IHO1: variants seen among roughly 807,000 people sequenced by gnomAD.
The protein encoded by IHO1 is interactor of HORMAD1 1.
IHO1 carries 13 observed loss-of-function variants against 31.0 expected under a neutral mutation model. The ratio of observed to expected loss-of-function variants is 0.42; its 90% CI spans 0.27 to 0.67. The LOEUF (loss-of-function observed/expected upper bound fraction) is 0.67. Ranked by LOEUF, IHO1 falls within the 30% of genes least tolerant of loss-of-function variation. The pLI is 0.24. For missense variants in IHO1, 599 were observed against 687.5 expected, an observed-to-expected ratio of 0.87 and a Z score of 1.44; for synonymous variants, 221 against 248.4, an observed-to-expected ratio of 0.89 and a Z score of 1.04.
At chr3:49,195,443 C>T (rs1044873085), upstream of IHO1, among the ~76,000 whole-genome samples, 7 of 137,034 alleles carry the variant, frequency 5.1e-5, no homozygotes, top group East Asian at 4.6e-4. Flanking sequence ...AGAGGCCAGT[C>T]GTGGTGGCTC....
chr3:49,251,108 G>T (rs1174214333), intron 6 of IHO1, among the ~76,000 whole-genome samples: 1 of 151,726 alleles, frequency 6.6e-6, no homozygotes, highest in East Asian at 1.9e-4. Context: ...ATTTTACTTA[G>T]TTTTTGTTTG....
intron 2 of IHO1, among the ~76,000 whole-genome samples, chr3:49,217,727 C>T (rs1346695142): frequency 2.0e-5 from 3 of 152,048 alleles, no homozygotes; most frequent in Non-Finnish European, 2.9e-5. Flanking sequence ...TGCAACTAGA[C>T]GGTCCCATTT....
intron 6 of IHO1, among the ~76,000 whole-genome samples, chr3:49,251,920 G>A (rs1034673029): frequency 6.7e-5 from 10 of 149,522 alleles, no homozygotes; most frequent in African/African-American, 2.0e-4. Context: ...TTTATATCAC[G>A]AGATTATATC....
intron 4 of IHO1, among the ~76,000 whole-genome samples, chr3:49,242,448 C>T (rs976996906): frequency 2.0e-5 from 3 of 152,020 alleles, no homozygotes; most frequent in African/African-American, 4.8e-5. Flanking sequence ...TCTTAATTGC[C>T]TTCTTGTCAA....
Position 49,257,610 on chromosome 3 carries a change from G to T in IHO1, c.*328G>T. The T allele has an allele frequency of 8.0e-6, 2 of 250,676 alleles. No homozygotes were observed. The allele number at this position is 250,676 out of a possible 1,614,324, so 15.5% of individuals were successfully genotyped here. A position where few individuals can be genotyped will look rare whatever the true frequency, so the allele number is the denominator to read the frequency against. On this transcript the variant is annotated 3_prime_UTR_variant, in exon 8 of 8. Transcript: ENST00000452691. ...CAGGCAGGCCTCCTTATGGAATACT[G>T]TGTAGCAGAAGGGCTCTCATAAAAC...
At position 49,230,822 on chromosome 3, in the gene IHO1, G is replaced by A. The variant is rs565506209; in HGVS notation, c.57-5726G>A. Among the ~76,000 whole-genome samples the A allele has an allele frequency of 3.3e-5, 5 of 152,264 alleles. No homozygotes were observed. The South Asian group carries it at 1.0e-3, about 32-fold the overall frequency. The stretch of plus-strand genomic sequence containing the variant: ...AAATGACTTTCAAAAATTACTAGGG[G>A]ACATTAATTGGATACAACCTGTTCT... On this transcript the variant is annotated intron_variant, in intron 2 of 7. Coordinates refer to ENST00000452691, the MANE Select transcript of IHO1 (RefSeq NM_001135197.2).
rs1362868429 is a variant in IHO1 at position 49,234,171 on chromosome 3, T to TTG, written c.57-2376_57-2375insGT. 4.1e-5 allele frequency among the ~76,000 whole-genome samples: 6 copies of TTG among 146,546 alleles called. No homozygotes were observed. The East Asian group carries it at 8.1e-4, about 20-fold the overall frequency. ...GATGTCTTTTGTTGTTGTTTTTTTT[T>TTG]TTTTTTTTTTTTTGGTTTTTTTGAC... is the stretch of plus-strand genomic sequence containing the variant. On this transcript the variant is annotated intron_variant, in intron 2 of 7. Coordinates refer to ENST00000452691, the MANE Select transcript of IHO1 (RefSeq NM_001135197.2).
intron 2 of IHO1, among the ~76,000 whole-genome samples, chr3:49,229,017 T>G (rs2046451018): frequency 6.6e-6 from 1 of 152,176 alleles, no homozygotes; most frequent in African/African-American, 2.4e-5. Flanking sequence ...TACAATCCTA[T>G]AGCTAGACAC....
intron 2 of IHO1, among the ~76,000 whole-genome samples, chr3:49,230,552 T>C (rs2046468639): frequency 6.6e-6 from 1 of 152,220 alleles, no homozygotes; most frequent in Non-Finnish European, 1.5e-5. Context: ...TGAACCTACT[T>C]GTAAAAAATT....
chr3:49,220,886 T>A (rs2046346952), intron 2 of IHO1, among the ~76,000 whole-genome samples: 1 of 151,880 alleles, frequency 6.6e-6, no homozygotes, highest in African/African-American at 2.4e-5. Flanking sequence ...AAATAAAAGG[T>A]GGCGTGGACC....
chr3:49,209,965 C>T (rs567590974), intron 1 of IHO1, among the ~76,000 whole-genome samples: 1 of 151,788 alleles, frequency 6.6e-6, no homozygotes, highest in East Asian at 2.0e-4. Context: ...ATCCACTTGC[C>T]TTGGCCTCCC....
intron 6 of IHO1, among the ~76,000 whole-genome samples, chr3:49,250,305 A>T (rs1021713012): frequency 6.6e-6 from 1 of 152,190 alleles, no homozygotes; most frequent in Non-Finnish European, 1.5e-5. Flanking sequence ...TCATAACTAA[A>T]TTTTTTTAAA....
chr3:49,255,691 C>CAA (rs2107745831), intron 7 of IHO1, among the ~76,000 whole-genome samples, 198 bp downstream of exon 7: 1 of 151,126 alleles, frequency 6.6e-6, no homozygotes, highest in South Asian at 2.1e-4. Flanking sequence ...CTAGGACTTA[C>CAA]AGGTGTGCAC....
chr3:49,200,512 A>AAAGAAAGAAAGAAAGAAAGAAAGAAAGG (rs1559434715), intron 1 of IHO1: 2 of 929,140 alleles, frequency 2.2e-6, no homozygotes, highest in African/African-American at 3.7e-5. Flanking sequence ...AGAAAGAAAG[A>AAAGAAAGAAAGAAAGAAAGAAAGAAAGG]AAGAAAAGAA....
chr3:49,218,258 C>T (rs765361947), intron 2 of IHO1, among the ~76,000 whole-genome samples: 3 of 151,892 alleles, frequency 2.0e-5, no homozygotes, highest in Admixed American at 6.6e-5. Context: ...AGGACAGCTC[C>T]GGCTCTCTCT....
chr3:49,195,667 T>A (rs1247900992), upstream of IHO1, among the ~76,000 whole-genome samples: 2 of 151,670 alleles, frequency 1.3e-5, no homozygotes, highest in African/African-American at 4.8e-5. Context: ...TGAGCTGAGA[T>A]CACGCCACTG....
intron 2 of IHO1, among the ~76,000 whole-genome samples, chr3:49,227,793 C>G (rs1434599068): frequency 6.6e-6 from 1 of 152,118 alleles, no homozygotes; most frequent in Non-Finnish European, 1.5e-5. Context: ...AGAGTGACAC[C>G]TTTTATCCTC....
intron 1 of IHO1, among the ~76,000 whole-genome samples, chr3:49,201,289 G>A (rs113943883): frequency 0.099 from 14,995 of 151,278 alleles, 837 homozygotes; most frequent in Middle Eastern, 0.11. Context: ...CACCGCACCC[G>A]GCCATTTACC....
chr3:49,236,221 T>C (rs1205187457), intron 2 of IHO1, among the ~76,000 whole-genome samples: 3 of 152,088 alleles, frequency 2.0e-5, no homozygotes, highest in Non-Finnish European at 4.4e-5. Flanking sequence ...AACAATAAAA[T>C]AAAATGATAA....
Sources: allele counts gnomAD v4.1 joint callset (sites outside exome capture counted in the v4.1 genomes callset), GRCh38; gene constraint gnomAD v4.1.1; transcripts MANE v1.5; gene names NCBI Gene and HGNC (gene_info 2026-07-23, HGNC 2026-07-21).